CRTC3: variants seen among roughly 807,000 people sequenced by gnomAD.
CRTC3 encodes CREB-regulated transcription coactivator 3.
CRTC3 carries 26 observed loss-of-function variants against 74.5 expected under a neutral mutation model. The ratio of observed to expected loss-of-function variants is 0.35; its 90% CI spans 0.26 to 0.48. The LOEUF (loss-of-function observed/expected upper bound fraction) is 0.48. Among genes scored for constraint, CRTC3 ranks in the 20% least tolerant of loss-of-function variants. The pLI is 0.99. For synonymous variants in CRTC3, 377 were observed against 325.8 expected, an observed-to-expected ratio of 1.16 and a Z score of -1.69; for missense variants, 760 against 787.3, an observed-to-expected ratio of 0.97 and a Z score of 0.41.
rs577195218 is a variant in CRTC3 at position 90,643,162 on chromosome 15, G to A, written c.*1022G>A. 1.1e-4 allele frequency: 25 copies of A among 232,466 alleles called. No individual in the cohort carries two copies. The highest frequency in any genetic ancestry group is 1.8e-4 in the South Asian group (1 of 5,516). 14.4% of individuals were successfully genotyped at this position (232,466 alleles called of 1,614,324 possible). A position where few individuals can be genotyped will look rare whatever the true frequency, so the allele number is the denominator to read the frequency against. ...TGAACCCGTAGCACCTAACACGTGC[G>A]TGGCAGCACAGTCGTGTGCTGGAGT... On this transcript the variant is annotated 3_prime_UTR_variant, in exon 15 of 15. Transcript: ENST00000268184.
chr15:90,618,996 C>T (rs1968567045), intron 8 of CRTC3, among the ~76,000 whole-genome samples: 1 of 152,158 alleles, frequency 6.6e-6, no homozygotes, highest in Middle Eastern at 3.2e-3. Context: ...ATGTTCATCT[C>T]CCTTGGTTCT....
chr15:90,618,393 C>T (rs1968550779), intron 8 of CRTC3, among the ~76,000 whole-genome samples: 1 of 152,146 alleles, frequency 6.6e-6, no homozygotes, highest in African/African-American at 2.4e-5. Flanking sequence ...GGCATTTGAC[C>T]TGAGTCCTCC....
At chr15:90,604,089 C>T (rs1180409121) in intron 4 of CRTC3, 10 of 251,394 alleles carry the variant, frequency 4.0e-5, no homozygotes, top group Non-Finnish European at 6.2e-5. Flanking sequence ...AAGATTGCCA[C>T]GGCGCCCCCT....
At chr15:90,560,689 T>C (rs1005843781) in intron 2 of CRTC3, among the ~76,000 whole-genome samples, 6 of 152,112 alleles carry the variant, frequency 3.9e-5, no homozygotes, top group African/African-American at 9.7e-5. Flanking sequence ...GTCAGAACAA[T>C]AGGGAATGAG....
At chr15:90,548,017 G>A (rs908928082) in intron 2 of CRTC3, among the ~76,000 whole-genome samples, 5 of 151,528 alleles carry the variant, frequency 3.3e-5, no homozygotes, top group African/African-American at 1.2e-4. Flanking sequence ...GCCCCCCAGG[G>A]TAGCAGGGAG....
intron 2 of CRTC3, among the ~76,000 whole-genome samples, chr15:90,593,094 A>G (rs1967839545): frequency 6.6e-6 from 1 of 152,216 alleles, no homozygotes; most frequent in Non-Finnish European, 1.5e-5. Flanking sequence ...CGGAGGTTGC[A>G]GTGAGCTGAG....
chr15:90,569,040 G>C (rs1034538159), intron 2 of CRTC3, among the ~76,000 whole-genome samples: 3 of 149,986 alleles, frequency 2.0e-5, no homozygotes, highest in Non-Finnish European at 4.4e-5. Flanking sequence ...TCACCCAGGC[G>C]AGAGTGCAGT....
At chr15:90,549,906 G>C (rs1422893338) in intron 2 of CRTC3, among the ~76,000 whole-genome samples, 1 of 150,392 alleles carries the variant, frequency 6.6e-6, no homozygotes, top group Non-Finnish European at 1.5e-5. Flanking sequence ...GTTTCACCAT[G>C]TTGGTCACGC....
rs1192997130 is a variant in CRTC3, at chr15:90,642,659, A to G, written c.*519A>G. The G allele has an allele frequency of 8.5e-6, 2 of 235,788 alleles. No homozygotes were observed. Among genetic ancestry groups the G allele is most frequent in the East Asian group, 6.1e-5 (1 of 16,422 alleles). The allele number at this position is 235,788 out of a possible 1,614,324, so 14.6% of individuals were successfully genotyped here. ...GACATTCCCAGGCTGAGTGGACCCC[A>G]CGGCTCTCTCCCACGCCTGGATTAC... On this transcript the variant is annotated 3_prime_UTR_variant, in exon 15 of 15. Coordinates refer to ENST00000268184, the MANE Select transcript of CRTC3 (RefSeq NM_022769.5).
At chr15:90,531,595 A>G (rs921074541) in intron 1 of CRTC3, among the ~76,000 whole-genome samples, 1 of 152,222 alleles carries the variant, frequency 6.6e-6, no homozygotes, top group African/African-American at 2.4e-5. Flanking sequence ...ATGTTTTCTT[A>G]TACCCTATCA....
Position 90,530,522 on chromosome 15 carries a change from A to C in CRTC3, c.132+319A>C, listed in dbSNP as rs1235096056. On this transcript the variant is annotated intron_variant, in intron 1 of 14. Coordinates refer to ENST00000268184, the MANE Select transcript of CRTC3 (RefSeq NM_022769.5). The surrounding 1 kb of genome is among the most constrained non-coding windows in gnomAD (Gnocchi z 6.2). Reference sequence around the variant, plus strand: ...AGGGGGAGGAGGACGAGGAGCCCCGAGAGGAAATCGCAAACAGCTCGGAGG... The same window carrying C: ...AGGGGGAGGAGGACGAGGAGCCCCGCGAGGAAATCGCAAACAGCTCGGAGG... 1 of 152,578 alleles carries C rather than the reference A, an allele frequency of 6.6e-6. No individual in the cohort carries two copies. Among genetic ancestry groups the C allele is most frequent in the African/African-American group, 2.4e-5 (1 of 41,386 alleles). The allele number at this position is 152,578 out of a possible 1,614,324, so 9.5% of individuals were successfully genotyped here.
At chr15:90,612,058 GCCTCCA>G (rs1968373030) in intron 6 of CRTC3, among the ~76,000 whole-genome samples, 1 of 15,578 alleles carries the variant, frequency 6.4e-5, no homozygotes, top group Non-Finnish European at 1.3e-4. Context: ...CTCCTCCTCC[GCCTCCA>G]CCTCCTCCTC....
intron 2 of CRTC3, among the ~76,000 whole-genome samples, chr15:90,584,237 C>CTT (rs11355776): frequency 5.1e-5 from 6 of 116,694 alleles, no homozygotes; most frequent in African/African-American, 1.6e-4. Context: ...TTCACCAACG[C>CTT]TTTTTTTTTT....
At chr15:90,543,675 T>C (rs1966838972) in intron 2 of CRTC3, among the ~76,000 whole-genome samples, 1 of 152,234 alleles carries the variant, frequency 6.6e-6, no homozygotes, top group Non-Finnish European at 1.5e-5. Flanking sequence ...AGAAAAATTC[T>C]TGAAAAACTG....
intron 2 of CRTC3, among the ~76,000 whole-genome samples, chr15:90,580,460 G>T (rs1230825275): frequency 4.1e-5 from 6 of 147,930 alleles, no homozygotes; most frequent in Non-Finnish European, 7.4e-5. Context: ...AGTCTTGCTC[G>T]CTCTGTCACC....
intron 9 of CRTC3, 30 bp from the exon 10 acceptor site, chr15:90,625,746 G>A: frequency 6.3e-7 from 1 of 1,589,682 alleles, no homozygotes; most frequent in Non-Finnish European, 8.6e-7. Context: ...ATACATTGTA[G>A]AAAGTCATTC....
intron 1 of CRTC3, among the ~76,000 whole-genome samples, chr15:90,536,831 G>A (rs1966727691): frequency 1.3e-5 from 2 of 152,206 alleles, no homozygotes; most frequent in African/African-American, 4.8e-5. Context: ...TGAGGACTTG[G>A]CAAACACGAT....
intron 2 of CRTC3, among the ~76,000 whole-genome samples, chr15:90,558,370 C>T (rs1329609536): frequency 6.6e-6 from 1 of 152,128 alleles, no homozygotes; most frequent in East Asian, 1.9e-4. Context: ...TCTCACTCCC[C>T]ACAGTCCTCC....
At chr15:90,604,301 A>G (rs566638359) in intron 4 of CRTC3, 84 bp from the exon 5 acceptor site, 5 of 981,530 alleles carry the variant, frequency 5.1e-6, no homozygotes, top group African/African-American at 1.6e-5. Context: ...TAGAAGAGCC[A>G]GTTCTCAAAT....
Sources: gnomAD v4.1 joint callset for allele counts (sites outside exome capture counted in the v4.1 genomes callset) on GRCh38, gnomAD v4.1.1 for gene constraint, Gnocchi (gnomAD v3.1) non-coding constraint, MANE v1.5 for transcripts, NCBI Gene and HGNC (gene_info 2026-07-23, HGNC 2026-07-21) for gene names.